ARSH: variants seen among roughly 807,000 people sequenced by gnomAD.
ARSH encodes the protein arylsulfatase family member H.
Under a neutral mutation model 28.7 loss-of-function variants are expected in ARSH, and 32 were observed. That is an observed-to-expected ratio of 1.11 (90% CI 0.84 to 1.50). The LOEUF is 1.50. Among genes scored for constraint, ARSH ranks in the 40% most tolerant of loss-of-function variants. The pLI is 0.00. For synonymous variants in ARSH, 176 were observed against 177.3 expected, an observed-to-expected ratio of 0.99 and a Z score of 0.06; for missense variants, 440 against 452.4, an observed-to-expected ratio of 0.97 and a Z score of 0.25.
Position 3,006,572 on chromosome X carries a change from T to C in ARSH, c.-41T>C. ...GCTTTCAGGAGCTGCTGGCTGTCAGTGTCCCTGTGCTGTTTGTTTTGCGGT... is the reference window on the plus strand; with the variant it reads ...GCTTTCAGGAGCTGCTGGCTGTCAGCGTCCCTGTGCTGTTTGTTTTGCGGT... On this transcript the variant is annotated 5_prime_UTR_variant, in exon 1 of 9. Coordinates refer to ENST00000381130, the MANE Select transcript of ARSH (RefSeq NM_001011719.2). 4.5e-6 allele frequency: 5 copies of C among 1,105,846 alleles called. No homozygotes were observed. The South Asian group carries it at 7.7e-5, about 17-fold the overall frequency. 91.1% of individuals were successfully genotyped at this position (1,105,846 alleles called of 1,213,427 possible).
chrX:3,011,712 A>C (rs2089847115), intron 2 of ARSH, among the ~76,000 whole-genome samples: 1 of 112,446 alleles, frequency 8.9e-6, no homozygotes, highest in Non-Finnish European at 1.9e-5. Flanking sequence ...TCTACTTATC[A>C]AAAATTTCAG....
chrX:3,011,654 A>G (rs937422725), intron 2 of ARSH, among the ~76,000 whole-genome samples: 1 of 112,108 alleles, frequency 8.9e-6, no homozygotes, highest in Non-Finnish European at 1.9e-5. Flanking sequence ...AGTCATTGCC[A>G]TGTGTATATT....
At chrX:3,007,537 T>C (rs1334952046) in intron 1 of ARSH, among the ~76,000 whole-genome samples, 2 of 111,999 alleles carry the variant, frequency 1.8e-5, no homozygotes, top group African/African-American at 3.2e-5. Flanking sequence ...CTCACAGTCC[T>C]GGAGGCTGGA....
rs1179659818 is a variant in ARSH, at chrX:3,033,381, C to A, written c.1685C>A (p.Pro562His). ...GAAGATGACATCCTTCCCATGGCTC[C>A]CTGAGACCATGCGGACCACGTGTTA... ...DKEDDILPMA[P>H] The change falls in exon 9 of 9, where the codon CCC (proline) becomes CAC (histidine). Residue 562 changes from proline to histidine, a missense_variant. By Grantham distance (77) the Pro-to-His change is moderately conservative. Transcript: ENST00000381130. 2 of 1,198,150 alleles carry A rather than the reference C, an allele frequency of 1.7e-6. No homozygotes were observed. The highest frequency in any genetic ancestry group is 4.4e-5 in the Admixed American group (2 of 45,021).
At position 3,013,044 on chromosome X, in the gene ARSH, T is replaced by A; in HGVS notation, c.215-3T>A. 1 of 1,208,471 alleles carries A rather than the reference T, an allele frequency of 8.3e-7. No individual in the cohort carries two copies. The highest frequency in any genetic ancestry group is 1.1e-6 in the Non-Finnish European group (1 of 894,118). ...GCTAACTTATTGACTTCTGTGAATTTAGGGATGGTGTCTGCCTACAACCTG... is the reference window on the plus strand; with the variant it reads ...GCTAACTTATTGACTTCTGTGAATTAAGGGATGGTGTCTGCCTACAACCTG... On this transcript the variant is annotated splice_region_variant and splice_polypyrimidine_tract_variant and intron_variant, in intron 2 of 8. Transcript: ENST00000381130.
Position 3,006,654 on chromosome X carries a change from A to G in ARSH, c.42A>G (p.Ala14=). The G allele has an allele frequency of 3.3e-6, 4 of 1,211,592 alleles. No individual in the cohort carries two copies. The highest frequency in any genetic ancestry group is 4.5e-6 in the Non-Finnish European group (4 of 895,397). ...GACCCAACATTGTCCTGCTGATGGC[A>G]GATGACCTTGGAGTGGGGGATTTGT... The part of the protein sequence containing the change: ...NARPNIVLLM[A]DDLGVGDLCC... Residue 14 remains alanine (A), a synonymous_variant, in exon 1 of 9, where the codon GCA becomes GCG. Coordinates refer to ENST00000381130, the MANE Select transcript of ARSH (RefSeq NM_001011719.2).
intron 7 of ARSH, among the ~76,000 whole-genome samples, chrX:3,028,497 C>G (rs968920229): frequency 8.1e-5 from 9 of 110,791 alleles, no homozygotes; most frequent in Non-Finnish European, 1.5e-4. Context: ...GCACGAGCCA[C>G]CAGGCCTGGC....
At chrX:3,029,815 G>A (rs767098421) in intron 8 of ARSH, among the ~76,000 whole-genome samples, 1 of 111,894 alleles carries the variant, frequency 8.9e-6, no homozygotes, top group East Asian at 2.8e-4. Flanking sequence ...ACAGGCGTGA[G>A]CCACCGTGCC....
rs947698509 is a variant in ARSH, at chrX:3,024,106, G to C, written c.987G>C (p.Glu329Asp). 1 of 1,204,112 alleles carries C rather than the reference G, an allele frequency of 8.3e-7. No homozygotes were observed. Among genetic ancestry groups the C allele is most frequent in the Non-Finnish European group, 1.1e-6 (1 of 892,966 alleles). Residue 329 changes from glutamate (E) to aspartate (D), a missense_variant, in exon 6 of 9, where the codon GAG (glutamate) becomes GAC (aspartate). Coordinates refer to ENST00000381130, the MANE Select transcript of ARSH (RefSeq NM_001011719.2). ...YFTSDNGGHL[E>D]PLDGAVQLGG... Reference sequence around the variant, plus strand: ...CCTCTGACAACGGGGGCCACCTGGAGCCCCTGGACGGGGCTGTTCAGCTGG... The same window carrying C: ...CCTCTGACAACGGGGGCCACCTGGACCCCCTGGACGGGGCTGTTCAGCTGG...
intron 5 of ARSH, among the ~76,000 whole-genome samples, chrX:3,020,380 G>A (rs1375004814): frequency 9.5e-6 from 1 of 105,437 alleles, no homozygotes; most frequent in East Asian, 2.9e-4. Flanking sequence ...ACAAAGTCAG[G>A]AGATCGAGAC....
At chrX:3,029,502 A>G (rs1251339217) in intron 8 of ARSH, 134 bp downstream of exon 8, 1 of 766,084 alleles carries the variant, frequency 1.3e-6, no homozygotes, top group Non-Finnish European at 1.8e-6. Flanking sequence ...AGAAAGCCAC[A>G]TAAACAGTGC....
intron 2 of ARSH, 77 bp downstream of exon 2, chrX:3,010,228 A>T (rs1255094299): frequency 9.1e-7 from 1 of 1,097,619 alleles, no homozygotes; most frequent in Non-Finnish European, 1.2e-6. Flanking sequence ...AAATCTTTAT[A>T]AGAATTCTCA....
chrX:3,023,594 T>C (rs1447077322), intron 5 of ARSH, among the ~76,000 whole-genome samples: 2 of 107,130 alleles, frequency 1.9e-5, no homozygotes, highest in Non-Finnish European at 3.8e-5. Flanking sequence ...TATATTTTGT[T>C]CTATTCCATA....
chrX:3,013,781 G>T (rs2089858173), intron 3 of ARSH, among the ~76,000 whole-genome samples: 1 of 110,881 alleles, frequency 9.0e-6, no homozygotes, highest in Admixed American at 9.7e-5. Context: ...GTAAGCCACA[G>T]CTCCGAGATA....
At chrX:3,030,920 T>C (rs780937599) in intron 8 of ARSH, among the ~76,000 whole-genome samples, 1 of 109,224 alleles carries the variant, frequency 9.2e-6, no homozygotes, top group Non-Finnish European at 1.9e-5. Context: ...GAGGCCAAGG[T>C]AGGAGGATTA....
chrX:3,016,686 T>C (rs1264050580), intron 4 of ARSH, among the ~76,000 whole-genome samples: 2 of 111,420 alleles, frequency 1.8e-5, no homozygotes, highest in African/African-American at 6.5e-5. Context: ...CCAGTGATCC[T>C]CTCACCTTGG....
intron 1 of ARSH, among the ~76,000 whole-genome samples, chrX:3,008,469 CTT>C (rs1569121819): frequency 1.1e-5 from 1 of 93,570 alleles, no homozygotes; most frequent in African/African-American, 4.0e-5. Flanking sequence ...TTCTTTCTTT[CTT>C]TCTTTCTTTC....
intron 5 of ARSH, 35 bp downstream of exon 5, chrX:3,018,705 A>G (rs1433654225): frequency 1.7e-6 from 2 of 1,197,721 alleles, no homozygotes; most frequent in Admixed American, 4.4e-5. Flanking sequence ...AAATATCTGA[A>G]GTACGGGCTA....
chrX:3,026,306 A>G (rs7892360), intron 6 of ARSH, among the ~76,000 whole-genome samples: 129 of 110,081 alleles, frequency 1.2e-3, no homozygotes, highest in African/African-American at 4.2e-3. Context: ...TGTCTTAATT[A>G]AAAAAAATAA....
Sources: allele counts gnomAD v4.1 joint callset (sites outside exome capture counted in the v4.1 genomes callset), GRCh38; gene constraint gnomAD v4.1.1; transcripts MANE v1.5; gene names NCBI Gene and HGNC (gene_info 2026-07-23, HGNC 2026-07-21).